Variants in CD22 observed in about 807,000 individuals in gnomAD.
The protein encoded by CD22 is B-cell receptor CD22.
Under a neutral mutation model 94.7 loss-of-function variants are expected in CD22, and 51 were observed. The ratio of observed to expected loss-of-function variants is 0.54; its 90% CI spans 0.43 to 0.68. The LOEUF (loss-of-function observed/expected upper bound fraction) is 0.68. Among genes scored for constraint, CD22 ranks in the 30% least tolerant of loss-of-function variants. The pLI is 0.00. For missense variants in CD22, 931 were observed against 1,060.4 expected, an observed-to-expected ratio of 0.88 and a Z score of 1.69; for synonymous variants, 424 against 422.5, an observed-to-expected ratio of 1.00 and a Z score of -0.04.
chr19:35,335,077 CA>C (rs35391333), intron 3 of CD22, among the ~76,000 whole-genome samples: 8,076 of 73,756 alleles, frequency 0.11, 198 homozygotes, highest in East Asian at 0.23. Context: ...GACTCTGTCT[CA>C]AAAAAAAAAA....
rs1383997547 is a variant in CD22 at position 35,341,545 on chromosome 19, C to T, written c.1710C>T (p.Ser570=). ...SISPEDAGSY[S]CWVNNSIGQT... ...CCCCAGAAGATGCTGGGAGTTACAG[C>T]TGCTGGGTGAACAACTCCATAGGAC... Residue 570 remains serine (S), a synonymous_variant, in exon 8 of 14, where the codon AGC becomes AGT. Transcript: ENST00000085219. This position sits in a 1 kb window ranked among gnomAD's most constrained non-coding sequence, Gnocchi z 4.0. 6.2e-7 allele frequency: 1 copy of T among 1,614,112 alleles called. No individual in the cohort carries two copies. Among genetic ancestry groups the T allele is most frequent in the Non-Finnish European group, 8.5e-7 (1 of 1,180,020 alleles).
chr19:35,329,352 C>T (rs976605224), intron 1 of CD22, 122 bp downstream of exon 1: 1 of 547,176 alleles, frequency 1.8e-6, no homozygotes, highest in South Asian at 1.6e-5. Flanking sequence ...CTCTCTCTTA[C>T]CGGTGTTACA....
At chr19:35,333,611 G>T (rs959994988) in intron 3 of CD22, among the ~76,000 whole-genome samples, 1 of 152,126 alleles carries the variant, frequency 6.6e-6, no homozygotes, top group Admixed American at 6.6e-5. Flanking sequence ...AGGCTGGAGT[G>T]CAGTGGCGCG....
At position 35,346,800 on chromosome 19, in the gene CD22, GCACA is replaced by G. The variant is rs762515089; in HGVS notation, c.*117_*120del. The G allele has an allele frequency of 2.0e-4, 179 of 906,380 alleles. No homozygotes were observed. Among genetic ancestry groups the G allele is most frequent in the Admixed American group, 9.7e-4 (36 of 37,016 alleles). The allele number at this position is 906,380 out of a possible 1,614,324, so 56.1% of individuals were successfully genotyped here. ...ATGGCTTCCTCCTGCGCGCATGTGC[GCACA>G]CACACACACACACGCACACACACAC... On this transcript the variant is annotated 3_prime_UTR_variant, in exon 14 of 14. Transcript: ENST00000085219.
intron 1 of CD22, 140 bp downstream of exon 1, chr19:35,329,370 G>A (rs2066615479): frequency 2.2e-6 from 1 of 464,976 alleles, no homozygotes; most frequent in African/African-American, 2.0e-5. Flanking sequence ...ACAACAGGTT[G>A]TAGACAGACC....
rs758150056 is a variant in CD22 at position 35,344,782 on chromosome 19, G to A, written c.2036-47G>A. On this transcript the variant is annotated intron_variant, in intron 9 of 13. Transcript: ENST00000085219. ...TGCCTTCCAGGCAAAGGCTGCCAGGGAGAGCTGGCCCCTCAGTTGATTAAG... is the reference window on the plus strand; with the variant it reads ...TGCCTTCCAGGCAAAGGCTGCCAGGAAGAGCTGGCCCCTCAGTTGATTAAG... 8 of 1,410,752 alleles carry A rather than the reference G, an allele frequency of 5.7e-6. No individual in the cohort carries two copies. In the South Asian group the frequency reaches 8.9e-5, roughly 16 times the overall value. The allele number at this position is 1,410,752 out of a possible 1,614,324, so 87.4% of individuals were successfully genotyped here. A position where few individuals can be genotyped will look rare whatever the true frequency, so the allele number is the denominator to read the frequency against.
Position 35,336,083 on chromosome 19 carries a change from T to G in CD22, c.460T>G (p.Ser154Ala). 1 of 1,613,538 alleles carries G rather than the reference T, an allele frequency of 6.2e-7. No homozygotes were observed. The highest frequency in any genetic ancestry group is 2.2e-5 in the East Asian group (1 of 44,862). Residue 154 changes from serine to alanine, a missense_variant, in exon 4 of 14, where the codon TCC becomes GCC. Ser to Ala is a moderately conservative substitution (Grantham distance 99, BLOSUM62 1). Transcript: ENST00000085219. ...HIQLPPEIQE[S>A]QEVTLTCLLN... ...CCAGCTCCCTCCAGAAATTCAAGAG[T>G]CCCAGGAAGTCACTCTGACCTGCTT...
intron 9 of CD22, among the ~76,000 whole-genome samples, chr19:35,343,448 C>A (rs2066848798): frequency 6.6e-6 from 1 of 152,214 alleles, no homozygotes; most frequent in Non-Finnish European, 1.5e-5. Flanking sequence ...ACAATTCACA[C>A]ACAGAGGTCT....
At chr19:35,344,649 C>T (rs1408413045) in intron 9 of CD22, 180 bp from the exon 10 acceptor site, 1 of 620,574 alleles carries the variant, frequency 1.6e-6, no homozygotes, top group African/African-American at 1.8e-5. Flanking sequence ...TGCCTTATTC[C>T]TAAAGGGAGG....
At chr19:35,335,645 G>A (rs1489286897) in intron 3 of CD22, among the ~76,000 whole-genome samples, 3 of 152,104 alleles carry the variant, frequency 2.0e-5, no homozygotes, top group Non-Finnish European at 4.4e-5. Flanking sequence ...TTGAGGTCAG[G>A]AGTTCAAGAC....
intron 12 of CD22, 75 bp downstream of exon 12, chr19:35,345,795 T>A: frequency 9.5e-7 from 1 of 1,047,340 alleles, no homozygotes; most frequent in Non-Finnish European, 1.5e-6. Flanking sequence ...CCGCCTGCCC[T>A]CTTTGTGCCA....
intron 2 of CD22, 106 bp downstream of exon 2, chr19:35,332,180 G>A (rs879187436): frequency 7.8e-7 from 1 of 1,276,346 alleles, no homozygotes; most frequent in African/African-American, 1.5e-5. Flanking sequence ...GTAGGGTGGG[G>A]GCAGCGGTGT....
intron 4 of CD22, chr19:35,336,578 C>A (rs1253114809): frequency 5.6e-6 from 3 of 533,438 alleles, no homozygotes; most frequent in Admixed American, 6.8e-5. Context: ...CTGGTTAGGT[C>A]TTTTTGTTCC....
rs1894310 is a variant in CD22, at chr19:35,332,532, G to T, written c.35-15G>T. 3,572 of 1,585,776 alleles carry T rather than the reference G, an allele frequency of 2.3e-3. 60 individuals carry two copies. The African/African-American group carries it at 0.041, about 18-fold the overall frequency. On this transcript the variant is annotated splice_polypyrimidine_tract_variant and intron_variant, in intron 2 of 13. Transcript: ENST00000085219. ...TCATGCCCCCTTAGTAATGCTTTCTGATCACTGTGGTGAGTTCTAGAATAC... is the reference window on the plus strand; with the variant it reads ...TCATGCCCCCTTAGTAATGCTTTCTTATCACTGTGGTGAGTTCTAGAATAC...
intron 2 of CD22, 37 bp from the exon 3 acceptor site, chr19:35,332,510 T>C (rs192372260): frequency 3.3e-5 from 51 of 1,532,762 alleles, no homozygotes; most frequent in Middle Eastern, 1.8e-4. Context: ...AAGGCTCTCA[T>C]GCCCCCTTAG....
At position 35,333,939 on chromosome 19, in the gene CD22, G is replaced by A. The variant is rs558672164; in HGVS notation, c.412+1015G>A. Among the ~76,000 whole-genome samples, 16 of 152,302 alleles carry A rather than the reference G, an allele frequency of 1.1e-4. No individual in the cohort carries two copies. The East Asian group carries it at 1.7e-3, about 17-fold the overall frequency. On this transcript the variant is annotated intron_variant, in intron 3 of 13. Transcript: ENST00000085219. ...TAATGTTCATGGCAAGTTCTCATGA[G>A]CTCTTCAAGGTCAGATGACACTGTT...
intron 12 of CD22, 118 bp downstream of exon 12, chr19:35,345,838 C>A: frequency 1.3e-6 from 1 of 762,996 alleles, no homozygotes; most frequent in Non-Finnish European, 2.3e-6. Flanking sequence ...ACATGCTCTG[C>A]CTCATTCCCA....
chr19:35,332,947 C>G, intron 3 of CD22, 23 bp downstream of exon 3: 2 of 1,607,184 alleles, frequency 1.2e-6, no homozygotes, highest in Admixed American at 1.7e-5. Flanking sequence ...GGGAGCGGGT[C>G]CTCTGCTCTG....
intron 9 of CD22, 76 bp from the exon 10 acceptor site, chr19:35,344,752 CA>C: frequency 9.3e-7 from 1 of 1,075,432 alleles, no homozygotes; most frequent in South Asian, 1.4e-5. Flanking sequence ...GAGAGAAGTC[CA>C]GGATGCCTTC....
Sources: gnomAD v4.1 joint callset for allele counts (sites outside exome capture counted in the v4.1 genomes callset) on GRCh38, gnomAD v4.1.1 for gene constraint, Gnocchi (gnomAD v3.1) non-coding constraint, MANE v1.5 for transcripts, NCBI Gene and HGNC (gene_info 2026-07-23, HGNC 2026-07-21) for gene names.